AGAP1: variants seen among roughly 807,000 people sequenced by gnomAD.
AGAP1 encodes arf-GAP with GTPase, ANK repeat and PH domain-containing protein 1.
In AGAP1, 29 loss-of-function variants were observed where a neutral mutation model predicts 105.3. The ratio of observed to expected loss-of-function variants is 0.28; its 90% confidence interval spans 0.21 to 0.38. The LOEUF is 0.38. Ranked by LOEUF, AGAP1 falls within the 10% of genes least tolerant of loss-of-function variation. AGAP1 has a pLI of 1.00. For synonymous variants in AGAP1, 509 were observed against 485.9 expected (o/e 1.05, Z -0.63); for missense variants, 998 against 1,165.1 (o/e 0.86, Z 2.09).
At chr2:235,995,552 G>C (rs1156438696) in intron 13 of AGAP1, among the ~76,000 whole-genome samples, 3 of 152,138 alleles carry the variant, frequency 2.0e-5, no homozygotes, top group Non-Finnish European at 4.4e-5. Context: ...TCTACTTAAA[G>C]AAGAAAGACC....
intron 1 of AGAP1, among the ~76,000 whole-genome samples, chr2:235,532,776 C>A (rs986038239): frequency 2.0e-5 from 3 of 152,300 alleles, no homozygotes; most frequent in African/African-American, 4.8e-5. Flanking sequence ...TCAGCTTACC[C>A]TTTGTTTGGT....
At chr2:235,978,303 C>T (rs137982043) in intron 13 of AGAP1, among the ~76,000 whole-genome samples, 117 of 152,274 alleles carry the variant, frequency 7.7e-4, no homozygotes, top group African/African-American at 2.7e-3. Flanking sequence ...CACTCACCCA[C>T]GCACCATATG....
intron 1 of AGAP1, among the ~76,000 whole-genome samples, chr2:235,576,873 C>G (rs1377683969): frequency 6.6e-6 from 1 of 152,232 alleles, no homozygotes; most frequent in Non-Finnish European, 1.5e-5. Flanking sequence ...CATCATGGGA[C>G]AATTCTAATG....
intron 1 of AGAP1, among the ~76,000 whole-genome samples, chr2:235,587,849 G>T (rs574825426): frequency 6.6e-6 from 1 of 152,136 alleles, no homozygotes. Flanking sequence ...CCCCACAGGG[G>T]TCTCCAGGTC....
At chr2:235,678,306 G>A (rs1001284763) in intron 1 of AGAP1, among the ~76,000 whole-genome samples, 2 of 152,212 alleles carry the variant, frequency 1.3e-5, no homozygotes, top group African/African-American at 2.4e-5. Context: ...AAGACACTCT[G>A]GATGTGTAAT....
chr2:235,873,812 C>T (rs1210313484), intron 9 of AGAP1, among the ~76,000 whole-genome samples: 3 of 152,178 alleles, frequency 2.0e-5, no homozygotes, highest in Non-Finnish European at 2.9e-5. Context: ...ACTGCAGCCT[C>T]GACCTCCTGA....
rs892801003 is a variant in AGAP1, at chr2:236,055,729, T to C, written c.2114+6448T>C. On this transcript the variant is annotated intron_variant, in intron 16 of 17. Coordinates refer to ENST00000304032, the MANE Select transcript of AGAP1 (RefSeq NM_001037131.3). This position sits in a 1 kb window ranked among gnomAD's most constrained non-coding sequence, Gnocchi z 6.2. ...AGTGACATTTACTACCAATAAAGTT[T>C]ATACATCCTCGGCTATGCAAACGCA... 1.8e-4 allele frequency among the ~76,000 whole-genome samples: 27 copies of C among 152,208 alleles called. No individual in the cohort carries two copies. Among genetic ancestry groups the C allele is most frequent in the African/African-American group, 6.3e-4 (26 of 41,462 alleles).
rs758992724 is a variant in AGAP1 at position 236,027,817 on chromosome 2, G to A, written c.1646-8744G>A. 6.6e-6 allele frequency among the ~76,000 whole-genome samples: 1 copy of A among 152,082 alleles called. No individual in the cohort carries two copies. Among genetic ancestry groups the A allele is most frequent in the Non-Finnish European group, 1.5e-5 (1 of 68,008 alleles). On this transcript the variant is annotated intron_variant, in intron 13 of 17. Transcript: ENST00000304032. This position sits in a 1 kb window ranked among gnomAD's most constrained non-coding sequence, Gnocchi z 4.4. ...ACTGCTACTCACAGGGAAAAGCGTG[G>A]CGTTTAGACCTGCCCTGTGATCACA...
chr2:236,036,628 G>A lies in AGAP1; in HGVS notation c.1713G>A (p.Thr571=), dbSNP rs141650700. Residue 571 remains threonine, a synonymous_variant, in exon 14 of 18, where the codon ACG becomes ACA. Coordinates refer to ENST00000304032, the MANE Select transcript of AGAP1 (RefSeq NM_001037131.3). The surrounding 1 kb of genome is among the most constrained non-coding windows in gnomAD (Gnocchi z 5.7). The part of the protein sequence containing the change: ...LTGQTWHFEA[T]TYEERDAWVQ... Reference sequence around the variant, plus strand: ...GCCAAACATGGCACTTTGAAGCCACGACGTATGAGGAGCGGGACGCCTGGG... The same window carrying A: ...GCCAAACATGGCACTTTGAAGCCACAACGTATGAGGAGCGGGACGCCTGGG... 56 of 1,614,082 alleles carry A rather than the reference G, an allele frequency of 3.5e-5. No homozygotes were observed. The highest frequency in any genetic ancestry group is 5.5e-5 in the South Asian group (5 of 91,078).
At chr2:235,558,783 TG>T (rs1944054977) in intron 1 of AGAP1, among the ~76,000 whole-genome samples, 1 of 152,284 alleles carries the variant, frequency 6.6e-6, no homozygotes, top group East Asian at 1.9e-4. Flanking sequence ...ATAAACACAT[TG>T]TGCAAATTGA....
rs560728138 is a variant in AGAP1, at chr2:235,705,724, A to G, written c.164-3455A>G. Among the ~76,000 whole-genome samples the G allele has an allele frequency of 7.2e-5, 11 of 152,340 alleles. No homozygotes were observed. The South Asian group carries it at 2.3e-3, about 32-fold the overall frequency. ...AATGGGAGATGAAGAGTTTTGGCCA[A>G]TTGAGTCAAGCATTTATTTTATTAC... is the stretch of plus-strand genomic sequence containing the variant. On this transcript the variant is annotated intron_variant, in intron 1 of 17. Transcript: ENST00000304032. This position sits in a 1 kb window ranked among gnomAD's most constrained non-coding sequence, Gnocchi z 4.9.
At chr2:235,499,725 C>T (rs965709349) in intron 1 of AGAP1, among the ~76,000 whole-genome samples, 3 of 152,122 alleles carry the variant, frequency 2.0e-5, no homozygotes, top group African/African-American at 4.8e-5. Flanking sequence ...AGCCTTGCCT[C>T]GCCAGAATTA....
At chr2:235,818,539 T>C (rs1354267050) in intron 9 of AGAP1, among the ~76,000 whole-genome samples, 1 of 152,234 alleles carries the variant, frequency 6.6e-6, no homozygotes, top group Non-Finnish European at 1.5e-5. Flanking sequence ...GTCACCCAGA[T>C]TCAAGCTATT....
intron 16 of AGAP1, among the ~76,000 whole-genome samples, chr2:236,108,509 C>T (rs2059559407): frequency 6.6e-6 from 1 of 152,190 alleles, no homozygotes; most frequent in Non-Finnish European, 1.5e-5. Flanking sequence ...CTGCCAAACT[C>T]CTCTCCCACC....
In AGAP1 at chr2:235,960,898, G is replaced by A. The variant is rs370777659; in HGVS notation, c.1484-7564G>A. Among the ~76,000 whole-genome samples the A allele has an allele frequency of 7.2e-5, 11 of 152,334 alleles. No homozygotes were observed. The highest frequency in any genetic ancestry group is 3.9e-4 in the East Asian group (2 of 5,174). ...TAGGACAGTGGTTTGGCACAAAAGC[G>A]TGCTTGTGGCTGGTTTTAAAACTAA... On this transcript the variant is annotated intron_variant, in intron 12 of 17. Coordinates refer to ENST00000304032, the MANE Select transcript of AGAP1 (RefSeq NM_001037131.3). This position sits in a 1 kb window ranked among gnomAD's most constrained non-coding sequence, Gnocchi z 4.9.
chr2:235,930,673 A>C lies in AGAP1; in HGVS notation c.1325-92A>C. On this transcript the variant is annotated intron_variant, in intron 11 of 17. Transcript: ENST00000304032. The surrounding 1 kb of genome is among the most constrained non-coding windows in gnomAD (Gnocchi z 7.9). ...GCTGCTCTCGGTGGTAAGGTGCACT[A>C]TGTGCCAGCGTGTGGGTCCCATAGA... 7.6e-7 allele frequency: 1 copy of C among 1,310,970 alleles called. No homozygotes were observed. Among genetic ancestry groups the C allele is most frequent in the Non-Finnish European group, 1.0e-6 (1 of 963,574 alleles). The allele number at this position is 1,310,970 out of a possible 1,614,324, so 81.2% of individuals were successfully genotyped here.
chr2:236,035,307 A>T lies in AGAP1; in HGVS notation c.1646-1254A>T, dbSNP rs191618199. 1.8e-4 allele frequency among the ~76,000 whole-genome samples: 27 copies of T among 152,300 alleles called. No individual in the cohort carries two copies. The highest frequency in any genetic ancestry group is 9.8e-4 in the Admixed American group (15 of 15,304). ...GCCAGGGCCCGGAAACATTGAGTCAAATGAGATGTTGTGTCTGAAAACCTA... is the reference window on the plus strand; with the variant it reads ...GCCAGGGCCCGGAAACATTGAGTCATATGAGATGTTGTGTCTGAAAACCTA... On this transcript the variant is annotated intron_variant, in intron 13 of 17. Coordinates refer to ENST00000304032, the MANE Select transcript of AGAP1 (RefSeq NM_001037131.3). This position sits in a 1 kb window ranked among gnomAD's most constrained non-coding sequence, Gnocchi z 4.2.
In AGAP1 at chr2:236,076,612, A is replaced by G. The variant is rs997109673; in HGVS notation, c.2114+27331A>G. Among the ~76,000 whole-genome samples the G allele has an allele frequency of 1.5e-4, 23 of 152,180 alleles. 1 individual carries two copies. Among genetic ancestry groups the G allele is most frequent in the African/African-American group, 5.3e-4 (22 of 41,446 alleles). On this transcript the variant is annotated intron_variant, in intron 16 of 17. Coordinates refer to ENST00000304032, the MANE Select transcript of AGAP1 (RefSeq NM_001037131.3). This position sits in a 1 kb window ranked among gnomAD's most constrained non-coding sequence, Gnocchi z 4.4. ...AATTTTAATCTCAGAGAATGATGAT[A>G]GATGTTTCTGGAAAATGAGTTGTGT...
At chr2:235,911,764 TCC>T (rs1420430281) in intron 11 of AGAP1, among the ~76,000 whole-genome samples, 24 of 152,210 alleles carry the variant, frequency 1.6e-4, no homozygotes, top group Non-Finnish European at 4.4e-5. Context: ...AAGATTGAAA[TCC>T]CTTTTCCATG....
Sources: allele counts gnomAD v4.1 joint callset (sites outside exome capture counted in the v4.1 genomes callset), GRCh38; gene constraint gnomAD v4.1.1; non-coding constraint Gnocchi (gnomAD v3.1); transcripts MANE v1.5; gene names NCBI Gene and HGNC (gene_info 2026-07-23, HGNC 2026-07-21).